The following NKAIN2 variants were observed in gnomAD, a reference collection of about 807,000 sequenced individuals.
The protein encoded by NKAIN2 is sodium/potassium-transporting ATPase subunit beta-1-interacting protein 2.
In NKAIN2, 14 loss-of-function variants were observed where a neutral mutation model predicts 32.6. That is an observed-to-expected ratio of 0.43 (90% confidence interval 0.28 to 0.67). The LOEUF is 0.67. Ranked by LOEUF, NKAIN2 falls within the 30% of genes least tolerant of loss-of-function variation. The pLI is 0.17. For synonymous variants in NKAIN2, 80 were observed against 87.2 expected (o/e 0.92, Z 0.46); for missense variants, 198 against 258.3 (o/e 0.77, Z 1.60).
intron 4 of NKAIN2, among the ~76,000 whole-genome samples, chr6:124,759,784 G>GTGGA (rs1778172096): frequency 1.3e-5 from 2 of 152,050 alleles, no homozygotes; most frequent in South Asian, 4.1e-4. Flanking sequence ...GCGTTGGGAG[G>GTGGA]TGGAGCCTAA....
intron 3 of NKAIN2, among the ~76,000 whole-genome samples, chr6:124,394,653 G>GGA (rs979859642): frequency 1.1e-4 from 13 of 118,512 alleles, no homozygotes; most frequent in Non-Finnish European, 2.0e-4. Context: ...CCAAATGGCA[G>GGA]AAAAAAAAAA....
chr6:124,136,776 T>G (rs1039122151), intron 1 of NKAIN2, among the ~76,000 whole-genome samples: 4 of 152,114 alleles, frequency 2.6e-5, no homozygotes, highest in Non-Finnish European at 1.5e-5. Context: ...TCTCAATAGA[T>G]GTAGAGAAAG....
At chr6:124,572,542 C>T (rs377366433) in intron 3 of NKAIN2, among the ~76,000 whole-genome samples, 25 of 152,192 alleles carry the variant, frequency 1.6e-4, no homozygotes, top group Non-Finnish European at 2.5e-4. Flanking sequence ...TCTTTTGCAA[C>T]GGTAGAGTTC....
At chr6:124,722,234 T>C (rs1311058178) in intron 4 of NKAIN2, among the ~76,000 whole-genome samples, 1 of 152,242 alleles carries the variant, frequency 6.6e-6, no homozygotes, top group Non-Finnish European at 1.5e-5. Flanking sequence ...GACACTTGAG[T>C]TGCTTTCACC....
chr6:124,491,908 C>G (rs1361374213), intron 3 of NKAIN2, among the ~76,000 whole-genome samples: 1 of 151,814 alleles, frequency 6.6e-6, no homozygotes, highest in Admixed American at 6.6e-5. Flanking sequence ...TAGGGATATG[C>G]CCACCTTTGT....
chr6:124,337,496 G>A (rs532232056), intron 2 of NKAIN2, among the ~76,000 whole-genome samples: 9 of 152,186 alleles, frequency 5.9e-5, no homozygotes, highest in Non-Finnish European at 1.5e-5. Flanking sequence ...AAGGGAGTGA[G>A]ACCCTGTCTC....
Position 124,114,557 on chromosome 6 carries a change from C to G in NKAIN2, c.55-168448C>G, listed in dbSNP as rs140325183. The stretch of plus-strand genomic sequence containing the variant: ...ATCAGCATATAGATGTTAATAAAGC[C>G]ATGAGATTTGGTGAGATCACTAAGG... On this transcript the variant is annotated intron_variant, in intron 1 of 6. Transcript: ENST00000368417. 1.6e-3 allele frequency among the ~76,000 whole-genome samples: 244 copies of G among 152,026 alleles called. 2 individuals carry two copies. Among genetic ancestry groups the G allele is most frequent in the Non-Finnish European group, 3.5e-4 (24 of 67,950 alleles).
At chr6:123,891,836 A>C (rs1035064803) in intron 1 of NKAIN2, among the ~76,000 whole-genome samples, 2 of 152,222 alleles carry the variant, frequency 1.3e-5, no homozygotes, top group African/African-American at 4.8e-5. Context: ...TGAAAGAAAT[A>C]AAGAATAGAT....
intron 4 of NKAIN2, among the ~76,000 whole-genome samples, chr6:124,675,183 T>A (rs1312820828): frequency 6.6e-6 from 1 of 152,140 alleles, no homozygotes; most frequent in African/African-American, 2.4e-5. Context: ...TTTTGTATGT[T>A]GAACCATCTT....
chr6:124,415,517 CCTT>C (rs991257305), intron 3 of NKAIN2, among the ~76,000 whole-genome samples: 72 of 152,302 alleles, frequency 4.7e-4, no homozygotes, highest in African/African-American at 1.6e-3. Flanking sequence ...TGAATCCTGT[CCTT>C]CTGTGTTTTT....
chr6:124,468,905 G>C (rs934736078), intron 3 of NKAIN2, among the ~76,000 whole-genome samples: 2 of 152,106 alleles, frequency 1.3e-5, no homozygotes, highest in Admixed American at 1.3e-4. Context: ...CCTGTGAAAG[G>C]TGGCATATGT....
chr6:124,795,137 ATTG>A (rs1345535367), intron 5 of NKAIN2, among the ~76,000 whole-genome samples: 2 of 152,178 alleles, frequency 1.3e-5, no homozygotes, highest in African/African-American at 4.8e-5. Flanking sequence ...TGCTTGCCAA[ATTG>A]GTTAAGTTTC....
intron 1 of NKAIN2, among the ~76,000 whole-genome samples, chr6:124,208,664 C>T (rs1041144069): frequency 1.3e-5 from 2 of 151,158 alleles, no homozygotes; most frequent in African/African-American, 2.4e-5. Context: ...CCTACATAAA[C>T]TGTAATCAAA....
At chr6:124,439,775 A>G (rs1429001398) in intron 3 of NKAIN2, among the ~76,000 whole-genome samples, 1 of 152,020 alleles carries the variant, frequency 6.6e-6, no homozygotes, top group Non-Finnish European at 1.5e-5. Context: ...AGAGATATAA[A>G]AATGTGAAAA....
chr6:124,539,379 C>T (rs537697305), intron 3 of NKAIN2, among the ~76,000 whole-genome samples: 357 of 149,596 alleles, frequency 2.4e-3, no homozygotes, highest in African/African-American at 8.3e-3. Context: ...AATACTCTCT[C>T]TTTTTTTTTT....
At chr6:124,678,457 T>G (rs1005262862) in intron 4 of NKAIN2, among the ~76,000 whole-genome samples, 25 of 152,160 alleles carry the variant, frequency 1.6e-4, no homozygotes, top group African/African-American at 5.8e-4. Context: ...ACTCTTTGAG[T>G]TTGCTGATTG....
chr6:124,310,929 A>G (rs1003865665), intron 2 of NKAIN2, among the ~76,000 whole-genome samples: 12 of 152,158 alleles, frequency 7.9e-5, no homozygotes, highest in African/African-American at 2.9e-4. Flanking sequence ...CAGTGTTTGC[A>G]ACTAAAAATC....
At chr6:124,523,942 G>A (rs1296136867) in intron 3 of NKAIN2, among the ~76,000 whole-genome samples, 1 of 152,146 alleles carries the variant, frequency 6.6e-6, no homozygotes, top group Admixed American at 6.6e-5. Flanking sequence ...CTCAGCTTCA[G>A]AACACATCAG....
At chr6:123,918,043 T>C (rs1345767078) in intron 1 of NKAIN2, among the ~76,000 whole-genome samples, 2 of 152,190 alleles carry the variant, frequency 1.3e-5, no homozygotes, top group African/African-American at 2.4e-5. Context: ...ATGTCCTTAT[T>C]ATATGACTAT....
Sources: gnomAD v4.1 joint callset for allele counts (sites outside exome capture counted in the v4.1 genomes callset) on GRCh38, gnomAD v4.1.1 for gene constraint, MANE v1.5 for transcripts, NCBI Gene and HGNC (gene_info 2026-07-23, HGNC 2026-07-21) for gene names.